FAM107A: variants seen among roughly 807,000 people sequenced by gnomAD.
FAM107A encodes the protein actin-associated protein FAM107A.
A neutral mutation model predicts 13.7 loss-of-function variants in FAM107A; 19 were observed. That is an observed-to-expected ratio of 1.38 (90% CI 0.97 to 2.03). The LOEUF is 2.03. FAM107A is among the 30% of genes most tolerant of loss of function. The pLI, the probability that FAM107A is intolerant of heterozygous loss-of-function variation, is 0.00. For missense variants in FAM107A, 203 were observed against 184.4 expected (o/e 1.10, Z -0.58); for synonymous variants, 82 against 74.5 (o/e 1.10, Z -0.52).
At chr3:58,612,836 C>T (rs1468692568) in intron 1 of FAM107A, among the ~76,000 whole-genome samples, 3 of 151,992 alleles carry the variant, frequency 2.0e-5, no homozygotes, top group African/African-American at 7.2e-5. Flanking sequence ...ATCAAATCAC[C>T]TCTCATCACC....
Position 58,595,134 on chromosome 3 carries a change from C to A in FAM107A, c.-69-5865G>T, listed in dbSNP as rs140749625. 5.6e-3 allele frequency among the ~76,000 whole-genome samples: 848 copies of A among 152,152 alleles called. 2 individuals carry two copies. The highest frequency in any genetic ancestry group is 1.0e-2 in the Non-Finnish European group (677 of 68,010). The stretch of plus-strand genomic sequence containing the variant: ...TCTCTCCCACTCTAGGTTCCCACAC[C>A]CCCCCAGTCCCACTCGAAGCAGCCC... On this transcript the variant is annotated intron_variant, in intron 1 of 3. Transcript: ENST00000465970.
chr3:58,591,939 G>A (rs60516637), upstream of FAM107A, among the ~76,000 whole-genome samples: 266 of 152,268 alleles, frequency 1.7e-3, 2 homozygotes, highest in East Asian at 0.047. The surrounding 1 kb of genome is among the most constrained non-coding windows in gnomAD (Gnocchi z 4.3). Flanking sequence ...GTGCTGTATG[G>A]GAAAGTGGGT....
chr3:58,608,164 G>T (rs996594714), intron 1 of FAM107A, among the ~76,000 whole-genome samples: 14 of 152,132 alleles, frequency 9.2e-5, no homozygotes, highest in African/African-American at 3.4e-4. Context: ...CTACAAATGG[G>T]TGCAGACTTG....
In FAM107A at chr3:58,616,583, C is replaced by T. The variant is rs554494024; in HGVS notation, c.-70+10833G>A. On this transcript the variant is annotated intron_variant, in intron 1 of 3. Coordinates refer to the FAM107A transcript ENST00000465970. ...CACACACACACCACCACTACCACCA[C>T]CACCACCATCACCACCACCACCACG... 8.6e-5 allele frequency among the ~76,000 whole-genome samples: 13 copies of T among 150,858 alleles called. 1 individual carries two copies. In the South Asian group the frequency reaches 2.5e-3, roughly 29 times the overall value.
intron 1 of FAM107A, among the ~76,000 whole-genome samples, chr3:58,625,784 G>T (rs985851216): frequency 6.6e-6 from 1 of 152,146 alleles, no homozygotes; most frequent in South Asian, 2.1e-4. Context: ...GAGAAATAAA[G>T]CTCCTCTTTC....
At chr3:58,618,889 C>T (rs1280126472) in intron 1 of FAM107A, among the ~76,000 whole-genome samples, 4 of 152,186 alleles carry the variant, frequency 2.6e-5, no homozygotes, top group African/African-American at 7.2e-5. Context: ...GTGTCTTTGT[C>T]TCTGTGTCTC....
At chr3:58,594,065 C>T (rs1456663699) in intron 1 of FAM107A, among the ~76,000 whole-genome samples, 1 of 152,000 alleles carries the variant, frequency 6.6e-6, no homozygotes, top group African/African-American at 2.4e-5. Flanking sequence ...ACCAGAATTC[C>T]CTTAGGTAAC....
intron 3 of FAM107A, 105 bp downstream of exon 3, chr3:58,567,103 G>T: frequency 7.2e-7 from 1 of 1,388,266 alleles, no homozygotes; most frequent in Non-Finnish European, 1.0e-6. Context: ...CCAGTGCTCT[G>T]TCTGCTGATC....
chr3:58,593,181 C>A (rs981112707), intron 1 of FAM107A, among the ~76,000 whole-genome samples: 3 of 152,176 alleles, frequency 2.0e-5, no homozygotes, highest in Admixed American at 2.0e-4. Context: ...TCCTGGAAGT[C>A]GCAAGTGCTC....
intron 1 of FAM107A, among the ~76,000 whole-genome samples, chr3:58,612,663 C>T (rs2065865672): frequency 6.6e-6 from 1 of 151,428 alleles, no homozygotes; most frequent in African/African-American, 2.4e-5. Context: ...AGTGGTTATA[C>T]TTGCTGATTT....
chr3:58,595,937 A>T (rs935384999), intron 1 of FAM107A, among the ~76,000 whole-genome samples: 1 of 152,226 alleles, frequency 6.6e-6, no homozygotes, highest in Admixed American at 6.5e-5. Flanking sequence ...AAATATGGCC[A>T]ACTGTCATTT....
At chr3:58,614,440 G>C (rs976406772) in intron 1 of FAM107A, among the ~76,000 whole-genome samples, 1 of 151,712 alleles carries the variant, frequency 6.6e-6, no homozygotes, top group South Asian at 2.1e-4. Flanking sequence ...AAGTTTAAAA[G>C]AACTCACCTA....
intron 1 of FAM107A, among the ~76,000 whole-genome samples, chr3:58,606,397 A>G (rs1006636178): frequency 6.6e-6 from 1 of 152,186 alleles, no homozygotes; most frequent in Admixed American, 6.5e-5. Context: ...TGCCCGGCCT[A>G]TGCAGACATC....
chr3:58,626,923 C>T (rs2066023744), intron 1 of FAM107A: 3 of 1,529,364 alleles, frequency 2.0e-6, no homozygotes, highest in East Asian at 4.9e-5. Flanking sequence ...TAGGTCCAGT[C>T]TCCCTTCCCA....
chr3:58,572,347 C>T (rs2063692633), intron 1 of FAM107A, among the ~76,000 whole-genome samples: 1 of 152,118 alleles, frequency 6.6e-6, no homozygotes, highest in South Asian at 2.1e-4. Context: ...ACAAAAGGCT[C>T]CAGGCTCCCA....
chr3:58,623,285 T>C (rs2065975945), intron 1 of FAM107A, among the ~76,000 whole-genome samples: 1 of 152,164 alleles, frequency 6.6e-6, no homozygotes, highest in Non-Finnish European at 1.5e-5. Flanking sequence ...AAGCGATGAG[T>C]GTCTTGGTAA....
At chr3:58,624,843 A>AC (rs1170378988) in intron 1 of FAM107A, among the ~76,000 whole-genome samples, 1 of 152,042 alleles carries the variant, frequency 6.6e-6, no homozygotes, top group Non-Finnish European at 1.5e-5. Context: ...ACTACCAACT[A>AC]TTTTTTGCCT....
upstream of FAM107A, among the ~76,000 whole-genome samples, chr3:58,582,047 C>T (rs547652709): frequency 1.2e-4 from 18 of 152,112 alleles, no homozygotes; most frequent in African/African-American, 2.2e-4. Context: ...TGTATGTGTG[C>T]GCGCATGCAT....
At chr3:58,598,050 A>T (rs1367346165) in intron 1 of FAM107A, among the ~76,000 whole-genome samples, 1 of 152,188 alleles carries the variant, frequency 6.6e-6, no homozygotes, top group Non-Finnish European at 1.5e-5. Context: ...TATGTAATGC[A>T]GAGCCCTGGC....
Sources: allele counts gnomAD v4.1 joint callset (sites outside exome capture counted in the v4.1 genomes callset), GRCh38; gene constraint gnomAD v4.1.1; non-coding constraint Gnocchi (gnomAD v3.1); transcripts MANE v1.5; gene names NCBI Gene and HGNC (gene_info 2026-07-23, HGNC 2026-07-21).